BMPR1B: variants seen among roughly 807,000 people sequenced by gnomAD.
BMPR1B encodes bone morphogenetic protein receptor type-1B.
Under a neutral mutation model 59.1 loss-of-function variants are expected in BMPR1B, and 12 were observed. The observed-to-expected ratio is 0.20, with a 90% confidence interval of 0.13 to 0.33. The LOEUF (loss-of-function observed/expected upper bound fraction) is 0.33. Ranked by LOEUF, BMPR1B falls within the 10% of genes least tolerant of loss-of-function variation. The pLI, the probability that BMPR1B is intolerant of heterozygous loss-of-function variation, is 1.00. For synonymous variants in BMPR1B, 237 were observed against 207.3 expected (o/e 1.14, Z -1.23); for missense variants, 550 against 610.9 (o/e 0.90, Z 1.05).
intron 5 of BMPR1B, 75 bp from the exon 6 acceptor site, chr4:95,115,610 A>T: frequency 7.9e-7 from 1 of 1,262,480 alleles, no homozygotes; most frequent in Non-Finnish European, 1.2e-6. Flanking sequence ...AATAGTGACT[A>T]TTTTTAAAGT....
intron 3 of BMPR1B, among the ~76,000 whole-genome samples, chr4:95,052,901 G>T (rs1166201367): frequency 6.6e-6 from 1 of 152,160 alleles, no homozygotes; most frequent in Non-Finnish European, 1.5e-5. Context: ...GGGAAACTGT[G>T]TCTTAAGAAT....
rs1553992293 is a variant in BMPR1B, at chr4:94,761,447, G to GTGTGTA, written c.-183+3384_-183+3385insATGTGT. Among the ~76,000 whole-genome samples the GTGTGTA allele has an allele frequency of 4.8e-4, 72 of 149,656 alleles. No individual in the cohort carries two copies. In the South Asian group the frequency reaches 5.9e-3, roughly 12 times the overall value. ...TGTGTGTGTGTGTGTGTGTGTGTGT[G>GTGTGTA]TGTGTGTGTGTGTGTTGAAGGGGGT... On this transcript the variant is annotated intron_variant, in intron 1 of 12. Coordinates refer to ENST00000515059, the MANE Select transcript of BMPR1B (RefSeq NM_001203.3).
chr4:94,954,265 G>A (rs1730058744), intron 2 of BMPR1B, among the ~76,000 whole-genome samples: 2 of 152,072 alleles, frequency 1.3e-5, no homozygotes, highest in African/African-American at 4.8e-5. Flanking sequence ...CTATACCTTA[G>A]CTTTCCTGAT....
intron 10 of BMPR1B, among the ~76,000 whole-genome samples, chr4:95,131,732 T>G (rs1020136907): frequency 3.9e-5 from 6 of 152,158 alleles, no homozygotes; most frequent in African/African-American, 1.4e-4. Context: ...CTGTTCACAT[T>G]AGGTTTGCAG....
intron 3 of BMPR1B, among the ~76,000 whole-genome samples, chr4:95,025,216 G>A (rs1263811481): frequency 1.3e-5 from 2 of 152,204 alleles, no homozygotes; most frequent in East Asian, 3.8e-4. Flanking sequence ...AGGGGAAAGT[G>A]ATAAGAAAAG....
chr4:95,020,765 C>G (rs1723926943), intron 3 of BMPR1B, among the ~76,000 whole-genome samples: 1 of 152,174 alleles, frequency 6.6e-6, no homozygotes, highest in Non-Finnish European at 1.5e-5. Flanking sequence ...ACGATCGTTA[C>G]TCACTGCAGC....
At chr4:94,950,364 C>G (rs1729884992) in intron 2 of BMPR1B, among the ~76,000 whole-genome samples, 1 of 152,060 alleles carries the variant, frequency 6.6e-6, no homozygotes, top group South Asian at 2.1e-4. Context: ...AGTCTTCGCC[C>G]ATGCCTATGT....
intron 3 of BMPR1B, among the ~76,000 whole-genome samples, chr4:95,061,587 G>A (rs1727401570): frequency 6.6e-6 from 1 of 152,102 alleles, no homozygotes; most frequent in African/African-American, 2.4e-5. Context: ...ATCTACTTTT[G>A]TTTTCTCATT....
chr4:95,026,746 C>T (rs945963643), intron 3 of BMPR1B, among the ~76,000 whole-genome samples: 2 of 144,686 alleles, frequency 1.4e-5, no homozygotes, highest in African/African-American at 5.2e-5. Context: ...CTTCTCCCTC[C>T]CTGCCTCCCT....
At chr4:95,086,013 A>G (rs1394242447) in intron 3 of BMPR1B, among the ~76,000 whole-genome samples, 1 of 127,388 alleles carries the variant, frequency 7.9e-6, no homozygotes, top group Non-Finnish European at 1.7e-5. Flanking sequence ...GTGTGTGTGT[A>G]AAAAGGAGGG....
chr4:95,088,413 G>T (rs950497254), intron 3 of BMPR1B, among the ~76,000 whole-genome samples: 1 of 152,002 alleles, frequency 6.6e-6, no homozygotes, highest in African/African-American at 2.4e-5. Flanking sequence ...TCCTTTATTG[G>T]TGTGAAATGA....
At chr4:94,787,199 T>C (rs900430917) in intron 1 of BMPR1B, among the ~76,000 whole-genome samples, 2 of 152,102 alleles carry the variant, frequency 1.3e-5, no homozygotes. Context: ...CTTACCAGAA[T>C]TGACATATAC....
chr4:95,044,571 C>T (rs1578983323), intron 3 of BMPR1B, among the ~76,000 whole-genome samples: 1 of 152,170 alleles, frequency 6.6e-6, no homozygotes, highest in Non-Finnish European at 1.5e-5. Flanking sequence ...TATTTTTTCT[C>T]TCTTTTTACC....
chr4:94,903,269 C>CT lies in BMPR1B; in HGVS notation c.-113+27375dup, dbSNP rs369299564. The stretch of plus-strand genomic sequence containing the variant: ...AGAATTCAATTTAACCCCTTACCCC[C>CT]TTTTTTATCCCCGAGTCCCAGTTAG... On this transcript the variant is annotated intron_variant, in intron 2 of 12. Transcript: ENST00000515059. 6.8e-3 allele frequency among the ~76,000 whole-genome samples: 1,028 copies of CT among 151,984 alleles called. 11 individuals are homozygous for CT. The highest frequency in any genetic ancestry group is 0.023 in the African/African-American group (959 of 41,516).
intron 3 of BMPR1B, among the ~76,000 whole-genome samples, chr4:95,013,199 A>G (rs1723345095): frequency 6.6e-6 from 1 of 151,528 alleles, no homozygotes; most frequent in Non-Finnish European, 1.5e-5. Context: ...CCCACCAACA[A>G]TGACTATATA....
At chr4:94,998,426 T>G (rs1346045874) in intron 3 of BMPR1B, among the ~76,000 whole-genome samples, 1 of 150,566 alleles carries the variant, frequency 6.6e-6, no homozygotes, top group East Asian at 2.0e-4. Context: ...CAGGCTGGAG[T>G]GCAATGGCGC....
intron 3 of BMPR1B, among the ~76,000 whole-genome samples, chr4:95,013,034 A>G (rs192187464): frequency 3.9e-5 from 6 of 152,146 alleles, no homozygotes; most frequent in Admixed American, 1.3e-4. Context: ...TAAAGGGGCA[A>G]TTTATTTTTT....
At chr4:94,856,905 T>C (rs969208529) in intron 1 of BMPR1B, among the ~76,000 whole-genome samples, 5 of 152,176 alleles carry the variant, frequency 3.3e-5, no homozygotes, top group Admixed American at 2.0e-4. Flanking sequence ...GTAGAAGATA[T>C]GATATTTATG....
At chr4:94,813,029 GTTT>G (rs1335174227) in intron 1 of BMPR1B, among the ~76,000 whole-genome samples, 1 of 150,406 alleles carries the variant, frequency 6.6e-6, no homozygotes, top group African/African-American at 2.4e-5. Context: ...CTTCCATAGG[GTTT>G]TTAACCATTG....
Sources: allele counts gnomAD v4.1 joint callset (sites outside exome capture counted in the v4.1 genomes callset), GRCh38; gene constraint gnomAD v4.1.1; transcripts MANE v1.5; gene names NCBI Gene and HGNC (gene_info 2026-07-23, HGNC 2026-07-21).